Variants in FILIP1L observed in about 807,000 individuals in gnomAD.
FILIP1L encodes the protein filamin A-interacting protein 1-like.
FILIP1L carries 55 observed loss-of-function variants against 96.6 expected under a neutral mutation model. The observed-to-expected ratio is 0.57, with a 90% CI of 0.46 to 0.71. The LOEUF (loss-of-function observed/expected upper bound fraction) is 0.71, where lower values mean the gene tolerates loss of function less well. Among genes scored for constraint, FILIP1L ranks in the 30% least tolerant of loss-of-function variants. The pLI is 0.00. For missense variants in FILIP1L, 1,304 were observed against 1,321.2 expected, an observed-to-expected ratio of 0.99 and a Z score of 0.20; for synonymous variants, 467 against 473.9, an observed-to-expected ratio of 0.99 and a Z score of 0.19.
intron 4 of FILIP1L, among the ~76,000 whole-genome samples, chr3:99,889,209 T>C (rs1449308939): frequency 6.6e-6 from 1 of 152,164 alleles, no homozygotes; most frequent in Non-Finnish European, 1.5e-5. Context: ...TGTGCTGTAC[T>C]CTCCCACTGT....
chr3:99,858,362 G>A (rs1944076462), intron 4 of FILIP1L, among the ~76,000 whole-genome samples: 1 of 152,070 alleles, frequency 6.6e-6, no homozygotes, highest in South Asian at 2.1e-4. Context: ...CTACTTGGGA[G>A]GCTGAGGCAG....
chr3:99,923,577 T>G (rs1452175333), intron 4 of FILIP1L, among the ~76,000 whole-genome samples: 5 of 152,136 alleles, frequency 3.3e-5, no homozygotes, highest in African/African-American at 1.2e-4. Context: ...CACACCCCCC[T>G]CCCAACCTCA....
At chr3:100,024,716 C>T (rs1219475337) in intron 1 of FILIP1L, among the ~76,000 whole-genome samples, 1 of 152,168 alleles carries the variant, frequency 6.6e-6, no homozygotes, top group Non-Finnish European at 1.5e-5. Context: ...TGTGTGGGCT[C>T]AGTCCTGGTT....
chr3:99,959,122 A>G (rs1239479806), intron 1 of FILIP1L, among the ~76,000 whole-genome samples: 3 of 152,178 alleles, frequency 2.0e-5, no homozygotes, highest in Admixed American at 6.5e-5. Flanking sequence ...GTAAATGTTC[A>G]AGTAGTTTCC....
At chr3:100,013,774 A>G (rs1457517097) in intron 1 of FILIP1L, among the ~76,000 whole-genome samples, 1 of 152,218 alleles carries the variant, frequency 6.6e-6, no homozygotes, top group Non-Finnish European at 1.5e-5. Context: ...TGAAATGATT[A>G]AATCCAGCTA....
At chr3:99,863,408 A>C (rs556598235) in intron 4 of FILIP1L, among the ~76,000 whole-genome samples, 1 of 152,242 alleles carries the variant, frequency 6.6e-6, no homozygotes, top group Non-Finnish European at 1.5e-5. Context: ...GTGGGGACTC[A>C]AAGTCTGGGT....
At chr3:99,894,222 A>T (rs1003415485) in intron 4 of FILIP1L, among the ~76,000 whole-genome samples, 1 of 152,236 alleles carries the variant, frequency 6.6e-6, no homozygotes, top group East Asian at 1.9e-4. Flanking sequence ...ATTGCATAAG[A>T]TACATAAATA....
At position 99,848,703 on chromosome 3, in the gene FILIP1L, A is replaced by G; in HGVS notation, c.2973T>C (p.Gly991=). 6.2e-7 allele frequency: 1 copy of G among 1,614,108 alleles called. No individual in the cohort carries two copies. Among genetic ancestry groups the G allele is most frequent in the African/African-American group, 1.3e-5 (1 of 75,018 alleles). Residue 991 remains glycine (G), a synonymous_variant, in exon 5 of 6, where the codon GGT becomes GGC. Transcript: ENST00000477258. ...FARAQTPESC[G]SLTPERTMSP... ...ACATTGTCCTTTCTGGAGTTAGAGA[A>G]CCACAAGACTCTGGGGTCTGTGCTC...
At chr3:99,923,607 C>T (rs1707192714) in intron 4 of FILIP1L, among the ~76,000 whole-genome samples, 2 of 152,192 alleles carry the variant, frequency 1.3e-5, no homozygotes, top group African/African-American at 4.8e-5. Flanking sequence ...GAACACATCC[C>T]CTCATCTTTC....
At chr3:100,001,565 A>C (rs1709843239) in intron 1 of FILIP1L, among the ~76,000 whole-genome samples, 1 of 152,184 alleles carries the variant, frequency 6.6e-6, no homozygotes, top group Non-Finnish European at 1.5e-5. Flanking sequence ...GTAGGAAGAA[A>C]GTCAGCCAGA....
At chr3:99,880,563 G>A (rs996937697) in intron 4 of FILIP1L, among the ~76,000 whole-genome samples, 1 of 152,284 alleles carries the variant, frequency 6.6e-6, no homozygotes, top group South Asian at 2.1e-4. Context: ...CTTGAGAAGT[G>A]ATTACAGTAG....
At chr3:99,957,133 G>T (rs1422246133) in intron 1 of FILIP1L, among the ~76,000 whole-genome samples, 1 of 151,948 alleles carries the variant, frequency 6.6e-6, no homozygotes, top group African/African-American at 2.4e-5. Flanking sequence ...TTTTTTATTT[G>T]ATATACAGCA....
At chr3:99,916,437 T>TAC (rs10529210) in intron 4 of FILIP1L, among the ~76,000 whole-genome samples, 12,214 of 136,990 alleles carry the variant, frequency 0.089, 573 homozygotes, top group Middle Eastern at 0.12. Context: ...TAACGGTTTA[T>TAC]ACACACACAC....
intron 1 of FILIP1L, among the ~76,000 whole-genome samples, chr3:100,069,534 G>A (rs754324576): frequency 3.2e-4 from 48 of 151,832 alleles, no homozygotes; most frequent in Non-Finnish European, 4.7e-4. Context: ...TTTCTGATAC[G>A]GCAGCCAATG....
chr3:99,999,459 A>G (rs1391550195), intron 1 of FILIP1L, among the ~76,000 whole-genome samples: 1 of 152,214 alleles, frequency 6.6e-6, no homozygotes, highest in Non-Finnish European at 1.5e-5. Flanking sequence ...ACTGCCTAAA[A>G]TTGTTTAGTA....
intron 1 of FILIP1L, among the ~76,000 whole-genome samples, chr3:99,952,427 C>T (rs1207897250): frequency 6.6e-6 from 1 of 152,138 alleles, no homozygotes; most frequent in East Asian, 1.9e-4. Flanking sequence ...TCTGGCTGAT[C>T]CTACCCCAGC....
chr3:100,020,221 G>C (rs1419261844), intron 1 of FILIP1L, among the ~76,000 whole-genome samples: 1 of 152,014 alleles, frequency 6.6e-6, no homozygotes, highest in Non-Finnish European at 1.5e-5. Context: ...CCCTCTTTCT[G>C]TTTCACATAA....
At chr3:99,988,511 C>CAAAAAAAAAAA (rs757175318) in intron 1 of FILIP1L, among the ~76,000 whole-genome samples, 4 of 47,796 alleles carry the variant, frequency 8.4e-5, no homozygotes, top group Admixed American at 2.9e-4. Context: ...GACTCCATCT[C>CAAAAAAAAAAA]AAAAAAAAAA....
At position 99,965,851 on chromosome 3, in the gene FILIP1L, C is replaced by T. The variant is rs150512364; in HGVS notation, c.-10-34821G>A. Among the ~76,000 whole-genome samples, 707 of 152,228 alleles carry T rather than the reference C, an allele frequency of 4.6e-3. 2 individuals carry two copies. The highest frequency in any genetic ancestry group is 7.0e-3 in the South Asian group (34 of 4,830). On this transcript the variant is annotated intron_variant, in intron 1 of 5. Coordinates refer to ENST00000477258, the MANE Select transcript of FILIP1L (RefSeq NM_001387850.1). The stretch of plus-strand genomic sequence containing the variant: ...GCAGTTGCAGTTTTCCTGCCCAGCC[C>T]GCAGCCACTGGCCATGCAGTCATGT...
Sources: gnomAD v4.1 joint callset for allele counts (sites outside exome capture counted in the v4.1 genomes callset) on GRCh38, gnomAD v4.1.1 for gene constraint, MANE v1.5 for transcripts, NCBI Gene and HGNC (gene_info 2026-07-23, HGNC 2026-07-21) for gene names.